The following ARAP2 variants were observed in gnomAD, a reference collection of about 807,000 sequenced individuals.
ARAP2 encodes ArfGAP with RhoGAP domain, ankyrin repeat and PH domain 2, also known as arf-GAP with Rho-GAP domain, ANK repeat and PH domain-containing protein 2.
In ARAP2, 148 loss-of-function variants were observed where a neutral mutation model predicts 194.5. The ratio of observed to expected loss-of-function variants is 0.76; its 90% CI spans 0.67 to 0.87. ARAP2 has a LOEUF of 0.87. Ranked by LOEUF, ARAP2 falls within the 40% of genes least tolerant of loss-of-function variation. The pLI is 0.00. For missense variants in ARAP2, 2,128 were observed against 1,989.7 expected, an observed-to-expected ratio of 1.07 and a Z score of -1.32; for synonymous variants, 695 against 683.5, an observed-to-expected ratio of 1.02 and a Z score of -0.26.
At position 36,229,121 on chromosome 4, in the gene ARAP2, A is replaced by T. The variant is rs1426124062; in HGVS notation, c.366T>A (p.Thr122=). 1.2e-6 allele frequency: 2 copies of T among 1,613,940 alleles called. No individual in the cohort carries two copies. The highest frequency in any genetic ancestry group is 8.5e-7 in the Non-Finnish European group (1 of 1,179,998). Reference sequence around the variant, plus strand: ...CACTGTCTTCAAGATTTTTTCTAACAGTCTCCAACTGCGGTGGGCTAGATG... The same window carrying T: ...CACTGTCTTCAAGATTTTTTCTAACTGTCTCCAACTGCGGTGGGCTAGATG... ...VQTSSPPQLE[T]VRKNLEDSDA... Residue 122 remains threonine, a synonymous_variant, in exon 2 of 33, where the codon ACT becomes ACA. Coordinates refer to ENST00000303965, the MANE Select transcript of ARAP2 (RefSeq NM_015230.4).
At chr4:36,093,215 G>GT (rs1162033247) in intron 27 of ARAP2, among the ~76,000 whole-genome samples, 1 of 152,026 alleles carries the variant, frequency 6.6e-6, no homozygotes, top group Non-Finnish European at 1.5e-5. Flanking sequence ...AAGGCGGAGG[G>GT]TGGGGGGAAG....
chr4:36,014,667 A>C (rs914246232), intron 8 of ARAP2, among the ~76,000 whole-genome samples: 1 of 152,216 alleles, frequency 6.6e-6, no homozygotes, highest in Non-Finnish European at 1.5e-5. Flanking sequence ...AAAATACCTA[A>C]TTCTCTATCT....
Position 36,229,119 on chromosome 4 carries a change from A to G in ARAP2, c.368T>C (p.Val123Ala), listed in dbSNP as rs1433832701. The change falls in exon 2 of 33, where the codon GTT (valine) becomes GCT (alanine). Residue 123 changes from valine (V) to alanine (A), a missense_variant. Physicochemically the swap from Val to Ala is moderately conservative, Grantham distance 64. Transcript: ENST00000303965. ...QTSSPPQLETVRKNLEDSDAS... is the reference protein window; with the variant it reads ...QTSSPPQLETARKNLEDSDAS... ...ATCACTGTCTTCAAGATTTTTTCTAACAGTCTCCAACTGCGGTGGGCTAGA... is the reference window on the plus strand; with the variant it reads ...ATCACTGTCTTCAAGATTTTTTCTAGCAGTCTCCAACTGCGGTGGGCTAGA... The G allele has an allele frequency of 1.9e-6, 3 of 1,614,022 alleles. No homozygotes were observed. The South Asian group carries it at 3.3e-5, about 18-fold the overall frequency.
chr4:36,080,628 TG>T (rs1054135277), intron 30 of ARAP2, among the ~76,000 whole-genome samples: 51 of 152,278 alleles, frequency 3.3e-4, no homozygotes, highest in African/African-American at 1.2e-3. Context: ...ATTCTGAGCC[TG>T]AGAAGAAAAA....
Position 36,035,678 on chromosome 4 carries a change from A to G in ARAP2, n.607+10301T>C, listed in dbSNP as rs1270018540. ...CATATATAAGGAATCCAACTTATCAATTTGTTCATCAATACATTTTTTAAA... is the reference window on the plus strand; with the variant it reads ...CATATATAAGGAATCCAACTTATCAGTTTGTTCATCAATACATTTTTTAAA... On this transcript the variant is annotated intron_variant and non_coding_transcript_variant, in intron 5 of 12. Coordinates refer to the ARAP2 transcript ENST00000503225. Among the ~76,000 whole-genome samples the G allele has an allele frequency of 3.3e-5, 5 of 152,096 alleles. No individual in the cohort carries two copies. In the South Asian group the frequency reaches 6.2e-4, roughly 19 times the overall value.
chr4:36,056,616 C>T (rs1168619155), intron 2 of ARAP2, among the ~76,000 whole-genome samples: 2 of 152,126 alleles, frequency 1.3e-5, no homozygotes, highest in East Asian at 3.8e-4. Context: ...AATTGAAGTG[C>T]TTAGTTTTGT....
chr4:36,062,198 A>T (rs910920436), downstream of ARAP2, among the ~76,000 whole-genome samples: 1 of 152,012 alleles, frequency 6.6e-6, no homozygotes, highest in Non-Finnish European at 1.5e-5. Context: ...GCTTATGGGG[A>T]TATTACTCAA....
intron 2 of ARAP2, among the ~76,000 whole-genome samples, chr4:36,224,453 T>G (rs1030520158): frequency 2.0e-5 from 3 of 152,074 alleles, no homozygotes; most frequent in African/African-American, 7.2e-5. Context: ...GCACAGATAA[T>G]TAAGCCTCAA....
intron 27 of ARAP2, among the ~76,000 whole-genome samples, chr4:36,096,374 A>G (rs79094727): frequency 2.1e-5 from 3 of 142,082 alleles, no homozygotes; most frequent in South Asian, 2.1e-4. Context: ...AAAAAAAAAA[A>G]AAAAAAGAAA....
At chr4:36,017,009 A>G (rs1039645044) in intron 6 of ARAP2, among the ~76,000 whole-genome samples, 1 of 152,086 alleles carries the variant, frequency 6.6e-6, no homozygotes, top group Non-Finnish European at 1.5e-5. Context: ...TAAAGGTCAG[A>G]TTGTGTCAAA....
chr4:36,100,338 G>A (rs1344226262), intron 27 of ARAP2, among the ~76,000 whole-genome samples: 3 of 151,732 alleles, frequency 2.0e-5, no homozygotes, highest in Admixed American at 6.6e-5. Context: ...TTCGTGGTCT[G>A]CATGTGTCTC....
intron 1 of ARAP2, chr4:36,243,702 T>A (rs1032639809): frequency 2.0e-5 from 3 of 152,166 alleles, no homozygotes; most frequent in African/African-American, 7.2e-5. Context: ...TCATACAGGT[T>A]CCCGTGTAAG....
chr4:36,019,586 G>A (rs1290095427), intron 5 of ARAP2, among the ~76,000 whole-genome samples: 1 of 137,684 alleles, frequency 7.3e-6, no homozygotes, highest in Admixed American at 6.8e-5. Flanking sequence ...ACATAAGGGT[G>A]GACCCAGGGA....
intron 2 of ARAP2, among the ~76,000 whole-genome samples, chr4:36,228,022 C>A (rs960535263): frequency 1.3e-5 from 2 of 152,172 alleles, no homozygotes. Context: ...TAGCTTCATA[C>A]TGAGCTGTCT....
intron 27 of ARAP2, among the ~76,000 whole-genome samples, chr4:36,096,104 C>A (rs2109406379): frequency 6.6e-6 from 1 of 152,068 alleles, no homozygotes; most frequent in Admixed American, 6.6e-5. Flanking sequence ...TGGCTCATAT[C>A]TGTAATCCCA....
chr4:36,080,633 AG>A (rs1729320113), intron 30 of ARAP2, among the ~76,000 whole-genome samples: 1 of 152,194 alleles, frequency 6.6e-6, no homozygotes, highest in Non-Finnish European at 1.5e-5. Flanking sequence ...GAGCCTGAGA[AG>A]AAAAATATGT....
chr4:36,071,516 C>T (rs1339377982), intron 32 of ARAP2, among the ~76,000 whole-genome samples: 1 of 152,082 alleles, frequency 6.6e-6, no homozygotes, highest in Non-Finnish European at 1.5e-5. Context: ...CCTTCCCTAC[C>T]TGGATAAGGT....
intron 1 of ARAP2, among the ~76,000 whole-genome samples, chr4:36,060,289 T>C (rs925876606): frequency 1.3e-5 from 2 of 152,118 alleles, no homozygotes; most frequent in African/African-American, 2.4e-5. Context: ...GCTGGAAGAG[T>C]GGCCTTGATA....
chr4:36,154,486 G>GTT (rs1731763970), intron 15 of ARAP2, among the ~76,000 whole-genome samples: 3 of 151,964 alleles, frequency 2.0e-5, no homozygotes, highest in African/African-American at 7.3e-5. Flanking sequence ...ACAAATCAAG[G>GTT]TAAGATATCA....
Sources: allele counts gnomAD v4.1 joint callset (sites outside exome capture counted in the v4.1 genomes callset), GRCh38; gene constraint gnomAD v4.1.1; transcripts MANE v1.5; gene names NCBI Gene and HGNC (gene_info 2026-07-23, HGNC 2026-07-21).